TSPAN5: variants seen among roughly 807,000 people sequenced by gnomAD.
TSPAN5 encodes the protein tetraspanin-5.
Under a neutral mutation model 37.1 loss-of-function variants are expected in TSPAN5, and 10 were observed. The observed-to-expected ratio is 0.27, with a 90% CI of 0.17 to 0.46. The LOEUF is 0.46. Among genes scored for constraint, TSPAN5 ranks in the 20% least tolerant of loss-of-function variants. The probability of loss-of-function intolerance (pLI) is 1.00; values close to 1 mark genes in which losing one functional copy is unlikely to be tolerated. For missense variants in TSPAN5, 195 were observed against 326.6 expected (o/e 0.60, Z 3.11); for synonymous variants, 110 against 118.9 (o/e 0.93, Z 0.48).
intron 2 of TSPAN5, among the ~76,000 whole-genome samples, chr4:98,494,257 T>C (rs1243640378): frequency 1.3e-5 from 2 of 152,074 alleles, no homozygotes; most frequent in African/African-American, 2.4e-5. Context: ...CAAACCATCC[T>C]GAACTGTACT....
chr4:98,541,693 AAAG>A (rs1285513458), intron 1 of TSPAN5, among the ~76,000 whole-genome samples: 2 of 36,222 alleles, frequency 5.5e-5, no homozygotes, highest in Admixed American at 2.8e-4. Flanking sequence ...AAAAAAAAAA[AAAG>A]AGAGAGAGAG....
chr4:98,513,383 T>C (rs1753655066), intron 1 of TSPAN5, among the ~76,000 whole-genome samples: 1 of 151,788 alleles, frequency 6.6e-6, no homozygotes, highest in Non-Finnish European at 1.5e-5. Flanking sequence ...TTTGGAAAAA[T>C]GAGGATCTGG....
intron 1 of TSPAN5, among the ~76,000 whole-genome samples, chr4:98,617,791 G>A (rs1212615308): frequency 1.3e-5 from 2 of 152,170 alleles, no homozygotes; most frequent in Non-Finnish European, 2.9e-5. Context: ...CCCACCAGCT[G>A]AGTAGCAGCA....
chr4:98,653,179 T>G (rs1387777941), intron 1 of TSPAN5, among the ~76,000 whole-genome samples: 1 of 152,202 alleles, frequency 6.6e-6, no homozygotes, highest in Admixed American at 6.5e-5. Context: ...ACTTATAAAC[T>G]GCTGATGTAT....
intron 1 of TSPAN5, among the ~76,000 whole-genome samples, chr4:98,624,290 C>T (rs1187316053): frequency 6.6e-6 from 1 of 151,080 alleles, no homozygotes; most frequent in Non-Finnish European, 1.5e-5. Flanking sequence ...CAAACCACAA[C>T]GCTAGGACTG....
chr4:98,482,775 C>T (rs975800298), intron 3 of TSPAN5: 4 of 152,160 alleles, frequency 2.6e-5, no homozygotes, highest in African/African-American at 9.7e-5. Context: ...TATTTCCCAT[C>T]ATAAAAACAA....
At chr4:98,561,773 T>A (rs542001867) in intron 1 of TSPAN5, among the ~76,000 whole-genome samples, 1 of 152,266 alleles carries the variant, frequency 6.6e-6, no homozygotes, top group Admixed American at 6.5e-5. Context: ...CTACTATAGG[T>A]GCTGGAAACA....
At chr4:98,582,488 T>C (rs1205436276) in intron 1 of TSPAN5, among the ~76,000 whole-genome samples, 2 of 152,220 alleles carry the variant, frequency 1.3e-5, no homozygotes, top group African/African-American at 4.8e-5. Flanking sequence ...CGCAAAGAGA[T>C]TTGCTTTCCG....
At chr4:98,653,442 T>C (rs920540339) in intron 1 of TSPAN5, among the ~76,000 whole-genome samples, 6 of 152,178 alleles carry the variant, frequency 3.9e-5, no homozygotes, top group Non-Finnish European at 8.8e-5. Flanking sequence ...TCTAATCCTT[T>C]GTAGCAAAGA....
chr4:98,545,511 T>C (rs1254585861), intron 1 of TSPAN5, among the ~76,000 whole-genome samples: 4 of 152,262 alleles, frequency 2.6e-5, no homozygotes, highest in African/African-American at 4.8e-5. Context: ...CTTTTGAACA[T>C]AGGGATTATT....
intron 1 of TSPAN5, among the ~76,000 whole-genome samples, chr4:98,655,239 C>T (rs1252708547): frequency 1.3e-5 from 2 of 152,186 alleles, no homozygotes; most frequent in Admixed American, 6.5e-5. Context: ...AACTAGTCTT[C>T]AGACAAGTCT....
At chr4:98,631,652 T>C (rs1756750897) in intron 1 of TSPAN5, among the ~76,000 whole-genome samples, 1 of 152,208 alleles carries the variant, frequency 6.6e-6, no homozygotes, top group South Asian at 2.1e-4. Flanking sequence ...TTGTTCTGTT[T>C]TAAGACCTCA....
chr4:98,636,652 T>G (rs1158528571), intron 1 of TSPAN5, among the ~76,000 whole-genome samples: 2 of 152,144 alleles, frequency 1.3e-5, no homozygotes, highest in African/African-American at 4.8e-5. Context: ...AATAACACCT[T>G]GTACATAAAA....
In TSPAN5 at chr4:98,621,647, C is replaced by T. The variant is rs541046431; in HGVS notation, c.81+36499G>A. Among the ~76,000 whole-genome samples the T allele has an allele frequency of 1.8e-3, 281 of 152,196 alleles. 1 individual carries two copies. In the Middle Eastern group the frequency reaches 0.034, roughly 18 times the overall value. On this transcript the variant is annotated intron_variant, in intron 1 of 7. Coordinates refer to ENST00000305798, the MANE Select transcript of TSPAN5 (RefSeq NM_005723.4). ...GCTCCCAAAGTGCTAGGATAACAGG[C>T]GTGAGCCACTGCGCCCGGCCAGATG...
chr4:98,619,664 G>A lies in TSPAN5; in HGVS notation c.81+38482C>T, dbSNP rs141703203. 1.7e-3 allele frequency among the ~76,000 whole-genome samples: 257 copies of A among 152,300 alleles called. 1 individual carries two copies. Among genetic ancestry groups the A allele is most frequent in the Middle Eastern group, 3.4e-3 (1 of 294 alleles). ...GAGTGAGTAATTAGAAAAGAGCACC[G>A]TGAAGGAACACAGATTGACGAGTGT... On this transcript the variant is annotated intron_variant, in intron 1 of 7. Transcript: ENST00000305798.
chr4:98,472,245 C>G lies in TSPAN5; in HGVS notation c.*277G>C, dbSNP rs1232073151. ...AAGTACATCTGGGTCCCCTACCCTCCCTTTTTTTCTTTTTTGGTAAGCATC... is the reference window on the plus strand; with the variant it reads ...AAGTACATCTGGGTCCCCTACCCTCGCTTTTTTTCTTTTTTGGTAAGCATC... On this transcript the variant is annotated 3_prime_UTR_variant, in exon 8 of 8. Coordinates refer to ENST00000305798, the MANE Select transcript of TSPAN5 (RefSeq NM_005723.4). 4 of 336,524 alleles carry G rather than the reference C, an allele frequency of 1.2e-5. No individual in the cohort carries two copies. Among genetic ancestry groups the G allele is most frequent in the Non-Finnish European group, 2.1e-5 (4 of 186,506 alleles). The allele number at this position is 336,524 out of a possible 1,614,324, so 20.8% of individuals were successfully genotyped here.
intron 1 of TSPAN5, among the ~76,000 whole-genome samples, chr4:98,557,646 C>A (rs902866876): frequency 6.6e-5 from 10 of 152,290 alleles, no homozygotes; most frequent in African/African-American, 2.2e-4. Flanking sequence ...AAGGGCTGTA[C>A]GTAGTGGCCT....
Position 98,538,104 on chromosome 4 carries a change from G to A in TSPAN5, c.82-30376C>T, listed in dbSNP as rs372691406. On this transcript the variant is annotated intron_variant, in intron 1 of 7. Coordinates refer to ENST00000305798, the MANE Select transcript of TSPAN5 (RefSeq NM_005723.4). ...TGCATCAGCAGCAATAGGGGAATAC[G>A]TGCACACAGGAAGGCTCAGGTTCCC... is the stretch of plus-strand genomic sequence containing the variant. Among the ~76,000 whole-genome samples the A allele has an allele frequency of 6.6e-5, 10 of 152,350 alleles. No individual in the cohort carries two copies. The South Asian group carries it at 8.3e-4, about 13-fold the overall frequency.
chr4:98,505,097 A>C (rs1753446088), intron 2 of TSPAN5, among the ~76,000 whole-genome samples: 1 of 151,838 alleles, frequency 6.6e-6, no homozygotes, highest in African/African-American at 2.4e-5. Context: ...CCAAAGCTTC[A>C]CCTCCAAATA....
Sources: gnomAD v4.1 joint callset for allele counts (sites outside exome capture counted in the v4.1 genomes callset) on GRCh38, gnomAD v4.1.1 for gene constraint, MANE v1.5 for transcripts, NCBI Gene and HGNC (gene_info 2026-07-23, HGNC 2026-07-21) for gene names.